PRR29: variants seen among roughly 807,000 people sequenced by gnomAD.
PRR29 encodes proline rich 29.
In PRR29, 20 loss-of-function variants were observed where a neutral mutation model predicts 25.1. The ratio of observed to expected loss-of-function variants is 0.80; its 90% CI spans 0.56 to 1.16. The LOEUF is 1.16. PRR29 is among the 50% of genes most tolerant of loss of function. The pLI is 0.00. For missense variants in PRR29, 238 were observed against 246.6 expected, an observed-to-expected ratio of 0.97 and a Z score of 0.23; for synonymous variants, 108 against 102.6, an observed-to-expected ratio of 1.05 and a Z score of -0.32.
chr17:63,998,938 G>T (rs896001755), intron 2 of PRR29, 30 bp from the exon 3 acceptor site: 56 of 1,531,616 alleles, frequency 3.7e-5, no homozygotes, highest in Non-Finnish European at 4.6e-5. Context: ...TCGGAGGCCC[G>T]GCGTGGGCTT....
chr17:64,001,455 C>A lies in PRR29; in HGVS notation c.471-12C>A. On this transcript the variant is annotated splice_polypyrimidine_tract_variant and intron_variant, in intron 4 of 5. Transcript: ENST00000412177. ...GCCTCTGATGGGGGTCTTTTTCTTT[C>A]CCCCATCTCAGGAGAGCTGTGCCCC... 1 of 1,496,958 alleles carries A rather than the reference C, an allele frequency of 6.7e-7. No individual in the cohort carries two copies. The highest frequency in any genetic ancestry group is 8.9e-7 in the Non-Finnish European group (1 of 1,126,584). The allele number at this position is 1,496,958 out of a possible 1,614,324, so 92.7% of individuals were successfully genotyped here. A position where few individuals can be genotyped will look rare whatever the true frequency, so the allele number is the denominator to read the frequency against.
At chr17:63,998,512 G>A (rs1910276484) in intron 1 of PRR29, 88 bp downstream of exon 1, 1 of 1,369,486 alleles carries the variant, frequency 7.3e-7, no homozygotes, top group South Asian at 1.5e-5. Context: ...GATCCTGGAG[G>A]GGTGGGGGAC....
rs1226981438 is a variant in PRR29 at position 64,001,593 on chromosome 17, AGGAGGGCCCTGT to A, written c.541+58_541+69del. On this transcript the variant is annotated intron_variant, in intron 5 of 5. Coordinates refer to ENST00000412177, the MANE Select transcript of PRR29 (RefSeq NM_001164257.2). ...AGGCCTGGGAGTGAATCAGGAGGCCAGGAGGGCCCTGTGCCCTCTGGTGGGGTTTGGGGGTTT... is the reference window on the plus strand; with the variant it reads ...AGGCCTGGGAGTGAATCAGGAGGCCAGCCCTCTGGTGGGGTTTGGGGGTTT... 3.8e-5 allele frequency: 57 copies of A among 1,489,686 alleles called. 1 individual carries two copies. In the Admixed American group the frequency reaches 1.3e-3, roughly 34 times the overall value. The allele number at this position is 1,489,686 out of a possible 1,614,324, so 92.3% of individuals were successfully genotyped here.
intron 5 of PRR29, 77 bp downstream of exon 5, chr17:64,001,614 G>C: frequency 6.7e-7 from 1 of 1,494,924 alleles, no homozygotes; most frequent in Non-Finnish European, 8.9e-7. Context: ...GTGCCCTCTG[G>C]TGGGGTTTGG....
At position 64,003,804 on chromosome 17, in the gene PRR29, C is replaced by T; in HGVS notation, c.*2043C>T. The T allele has an allele frequency of 6.2e-7, 1 of 1,614,252 alleles. No individual in the cohort carries two copies. Among genetic ancestry groups the T allele is most frequent in the South Asian group, 1.1e-5 (1 of 91,088 alleles). ...TGGCCTCCTGCGGAGCAGGGGCTGC[C>T]TTCCCGAAGGTCTCATAGTGCAGAG... On this transcript the variant is annotated 3_prime_UTR_variant, in exon 6 of 6. Coordinates refer to ENST00000412177, the MANE Select transcript of PRR29 (RefSeq NM_001164257.2).
rs370812584 is a variant in PRR29, at chr17:64,003,824, G to T, written c.*2063G>T. On this transcript the variant is annotated 3_prime_UTR_variant, in exon 6 of 6. Coordinates refer to ENST00000412177, the MANE Select transcript of PRR29 (RefSeq NM_001164257.2). The stretch of plus-strand genomic sequence containing the variant: ...GCTGCCTTCCCGAAGGTCTCATAGT[G>T]CAGAGTCTCATTGCCACGGAACAGG... 21 of 1,614,128 alleles carry T rather than the reference G, an allele frequency of 1.3e-5. No homozygotes were observed. The highest frequency in any genetic ancestry group is 1.6e-5 in the Non-Finnish European group (19 of 1,180,054).
Position 63,999,079 on chromosome 17 carries a change from G to T in PRR29, c.243+5G>T. Reference sequence around the variant, plus strand: ...CCTGCCTCGCCCTGCCCTCAGGTGCGTGTGGGTGGGCCGCCGGGGTCGCTC... The same window carrying T: ...CCTGCCTCGCCCTGCCCTCAGGTGCTTGTGGGTGGGCCGCCGGGGTCGCTC... On this transcript the variant is annotated splice_donor_5th_base_variant and intron_variant, in intron 3 of 5. Coordinates refer to ENST00000412177, the MANE Select transcript of PRR29 (RefSeq NM_001164257.2). 1 of 1,534,052 alleles carries T rather than the reference G, an allele frequency of 6.5e-7. No individual in the cohort carries two copies. The highest frequency in any genetic ancestry group is 8.7e-7 in the Non-Finnish European group (1 of 1,145,362).
rs576372363 is a variant in PRR29 at position 64,000,804 on chromosome 17, C to T, written c.244-280C>T. 520 of 397,106 alleles carry T rather than the reference C, an allele frequency of 1.3e-3. 2 individuals are homozygous for T. The highest frequency in any genetic ancestry group is 0.01 in the African/African-American group (480 of 47,840). 24.6% of individuals were successfully genotyped at this position (397,106 alleles called of 1,614,324 possible). A position where few individuals can be genotyped will look rare whatever the true frequency, so the allele number is the denominator to read the frequency against. On this transcript the variant is annotated intron_variant, in intron 3 of 5. Transcript: ENST00000412177. The stretch of plus-strand genomic sequence containing the variant: ...AGTAGCTGGGACTACAGGCGCCCAC[C>T]ACCATGCCCAGCTAATTTTTTTTTT...
Position 64,002,337 on chromosome 17 carries a change from T to A in PRR29, c.*576T>A. On this transcript the variant is annotated 3_prime_UTR_variant, in exon 6 of 6. Coordinates refer to ENST00000412177, the MANE Select transcript of PRR29 (RefSeq NM_001164257.2). ...AGGAGAGGTCAGAGCTTTGTCCTGC[T>A]GTGGCCAGGAGTGGCCTGAGGTCTC... 2.4e-6 allele frequency: 1 copy of A among 421,302 alleles called. No homozygotes were observed. Among genetic ancestry groups the A allele is most frequent in the South Asian group, 2.7e-5 (1 of 37,638 alleles). 26.1% of individuals were successfully genotyped at this position (421,302 alleles called of 1,614,324 possible).
Position 64,003,808 on chromosome 17 carries a change from C to A in PRR29, c.*2047C>A. ...CTCCTGCGGAGCAGGGGCTGCCTTC[C>A]CGAAGGTCTCATAGTGCAGAGTCTC... is the stretch of plus-strand genomic sequence containing the variant. On this transcript the variant is annotated 3_prime_UTR_variant, in exon 6 of 6. Coordinates refer to ENST00000412177, the MANE Select transcript of PRR29 (RefSeq NM_001164257.2). 1.9e-6 allele frequency: 3 copies of A among 1,614,214 alleles called. No individual in the cohort carries two copies. The highest frequency in any genetic ancestry group is 2.5e-6 in the Non-Finnish European group (3 of 1,180,044).
rs372657301 is a variant in PRR29 at position 64,001,772 on chromosome 17, C to T, written c.*11C>T. On this transcript the variant is annotated 3_prime_UTR_variant, in exon 6 of 6. Transcript: ENST00000412177. ...GAGAGCCTCCTATGAGGACAGACCC[C>T]GGCCCTGGGAACTGCACCAGCTTCC... The T allele has an allele frequency of 1.8e-4, 274 of 1,537,028 alleles. 1 individual carries two copies. Among genetic ancestry groups the T allele is most frequent in the Non-Finnish European group, 2.3e-4 (261 of 1,146,888 alleles).
chr17:64,002,397 C>T lies in PRR29; in HGVS notation c.*636C>T. On this transcript the variant is annotated 3_prime_UTR_variant, in exon 6 of 6. Transcript: ENST00000412177. The stretch of plus-strand genomic sequence containing the variant: ...GGTGGGAACAGTGTGTCCTCTGCCC[C>T]CTGGGCCAGGGTGTGTTTCCCCCAC... 1 of 401,494 alleles carries T rather than the reference C, an allele frequency of 2.5e-6. No individual in the cohort carries two copies. The highest frequency in any genetic ancestry group is 4.6e-6 in the Non-Finnish European group (1 of 216,662). The allele number at this position is 401,494 out of a possible 1,614,324, so 24.9% of individuals were successfully genotyped here. A position where few individuals can be genotyped will look rare whatever the true frequency, so the allele number is the denominator to read the frequency against.
At position 64,002,096 on chromosome 17, in the gene PRR29, CT is replaced by C; in HGVS notation, c.*336del. ...AGCCCCCACCCTCTCTCCCTCACCC[CT>C]CTCTCTGGGATGATGAGGTCTCCTT... On this transcript the variant is annotated 3_prime_UTR_variant, in exon 6 of 6. Coordinates refer to ENST00000412177, the MANE Select transcript of PRR29 (RefSeq NM_001164257.2). The C allele has an allele frequency of 4.3e-6, 5 of 1,150,252 alleles. No homozygotes were observed. The highest frequency in any genetic ancestry group is 6.1e-6 in the Non-Finnish European group (5 of 825,622). The allele number at this position is 1,150,252 out of a possible 1,614,324, so 71.3% of individuals were successfully genotyped here. A position where few individuals can be genotyped will look rare whatever the true frequency, so the allele number is the denominator to read the frequency against.
chr17:64,000,752 A>C (rs1910621050), intron 3 of PRR29: 1 of 296,380 alleles, frequency 3.4e-6, no homozygotes, highest in Non-Finnish European at 6.5e-6. Context: ...TCCCGGGTTC[A>C]CGCCATTCTC....
Position 64,002,025 on chromosome 17 carries a change from C to G in PRR29, c.*264C>G, listed in dbSNP as rs1327948954. On this transcript the variant is annotated 3_prime_UTR_variant, in exon 6 of 6. Transcript: ENST00000412177. ...CCCTTGAAGCCACGTCAGCCCGCCTCTGCCCCACTGCTTCCTGCCTGGAGC... is the reference window on the plus strand; with the variant it reads ...CCCTTGAAGCCACGTCAGCCCGCCTGTGCCCCACTGCTTCCTGCCTGGAGC... The G allele has an allele frequency of 2.0e-6, 3 of 1,518,800 alleles. No individual in the cohort carries two copies. The highest frequency in any genetic ancestry group is 1.2e-5 in the South Asian group (1 of 83,128). 94.1% of individuals were successfully genotyped at this position (1,518,800 alleles called of 1,614,324 possible).
Position 64,001,947 on chromosome 17 carries a change from G to A in PRR29, c.*186G>A, listed in dbSNP as rs1308212849. ...CCCTGCCCCACGCCAATGAGTTCCT[G>A]GACGGGCCGGATCTGTGCTGTTGTG... On this transcript the variant is annotated 3_prime_UTR_variant, in exon 6 of 6. Transcript: ENST00000412177. The A allele has an allele frequency of 3.9e-6, 6 of 1,534,994 alleles. No homozygotes were observed. The highest frequency in any genetic ancestry group is 5.2e-6 in the Non-Finnish European group (6 of 1,146,470).
Position 64,004,001 on chromosome 17 carries a change from G to A in PRR29, c.*2240G>A, listed in dbSNP as rs771833007. 3 of 1,497,986 alleles carry A rather than the reference G, an allele frequency of 2.0e-6. No homozygotes were observed. The highest frequency in any genetic ancestry group is 2.7e-6 in the Non-Finnish European group (3 of 1,102,708). The allele number at this position is 1,497,986 out of a possible 1,614,324, so 92.8% of individuals were successfully genotyped here. A position where few individuals can be genotyped will look rare whatever the true frequency, so the allele number is the denominator to read the frequency against. ...AAAGGAGGGAGGTCTGGTCAGGATG[G>A]GGGTGCAGTCCCAGCAGCCTCCCCC... On this transcript the variant is annotated 3_prime_UTR_variant, in exon 6 of 6. Coordinates refer to ENST00000412177, the MANE Select transcript of PRR29 (RefSeq NM_001164257.2).
rs1910810794 is a variant in PRR29, at chr17:64,002,078, ACCCTCTCTCCCTCAC to A, written c.*327_*341del. The A allele has an allele frequency of 1.2e-5, 16 of 1,299,646 alleles. No homozygotes were observed. Among genetic ancestry groups the A allele is most frequent in the Non-Finnish European group, 1.7e-5 (16 of 952,976 alleles). 80.5% of individuals were successfully genotyped at this position (1,299,646 alleles called of 1,614,324 possible). The stretch of plus-strand genomic sequence containing the variant: ...GGGGAGGCCTGGGAACAGAGCCCCC[ACCCTCTCTCCCTCAC>A]CCCTCTCTCTGGGATGATGAGGTCT... On this transcript the variant is annotated 3_prime_UTR_variant, in exon 6 of 6. Coordinates refer to ENST00000412177, the MANE Select transcript of PRR29 (RefSeq NM_001164257.2).
rs1339471650 is a variant in PRR29, at chr17:64,002,905, TCTGG to T, written c.*1148_*1151del. The T allele has an allele frequency of 6.2e-7, 1 of 1,613,252 alleles. No homozygotes were observed. Among genetic ancestry groups the T allele is most frequent in the Non-Finnish European group, 8.5e-7 (1 of 1,179,790 alleles). On this transcript the variant is annotated 3_prime_UTR_variant, in exon 6 of 6. Transcript: ENST00000412177. ...GACACCACCGTGACTATGATGACCA[TCTGG>T]CTGTCCGACACAGGCTCTGGGGAGG...
Sources: allele counts gnomAD v4.1 joint callset, GRCh38; gene constraint gnomAD v4.1.1; transcripts MANE v1.5; gene names NCBI Gene and HGNC (gene_info 2026-07-23, HGNC 2026-07-21).